Variants in HOMER2 observed in about 807,000 individuals in gnomAD.
HOMER2 encodes homer protein homolog 2.
HOMER2 carries 27 observed loss-of-function variants against 47.0 expected under a neutral mutation model. The observed-to-expected ratio is 0.57, with a 90% confidence interval of 0.42 to 0.79. HOMER2 has a LOEUF of 0.79. HOMER2 is among the 30% of genes least tolerant of loss of function. The pLI is 0.00. For synonymous variants in HOMER2, 161 were observed against 163.8 expected, an observed-to-expected ratio of 0.98 and a Z score of 0.13; for missense variants, 443 against 435.0, an observed-to-expected ratio of 1.02 and a Z score of -0.16.
At chr15:82,983,755 A>G (rs2030478117) in intron 1 of HOMER2, among the ~76,000 whole-genome samples, 1 of 151,642 alleles carries the variant, frequency 6.6e-6, no homozygotes, top group Non-Finnish European at 1.5e-5. Flanking sequence ...ACGCCCGGCT[A>G]ATTTTTTTGA....
chr15:82,850,855 C>G (rs951704132), intron 8 of HOMER2, among the ~76,000 whole-genome samples: 1 of 152,156 alleles, frequency 6.6e-6, no homozygotes, highest in African/African-American at 2.4e-5. Context: ...CTCAGGCCGC[C>G]CCCCCGCTCC....
At chr15:82,940,295 A>T (rs950435031) in intron 1 of HOMER2, among the ~76,000 whole-genome samples, 1 of 152,134 alleles carries the variant, frequency 6.6e-6, no homozygotes. Flanking sequence ...CTGCATAGTG[A>T]CTCCAACCTA....
rs1484978166 is a variant in HOMER2 at position 82,875,491 on chromosome 15, G to C, written c.163-87C>G. 2.1e-6 allele frequency: 3 copies of C among 1,406,882 alleles called. No homozygotes were observed. In the African/African-American group the frequency reaches 4.2e-5, roughly 20 times the overall value. The allele number at this position is 1,406,882 out of a possible 1,614,324, so 87.1% of individuals were successfully genotyped here. A position where few individuals can be genotyped will look rare whatever the true frequency, so the allele number is the denominator to read the frequency against. On this transcript the variant is annotated intron_variant, in intron 2 of 8. Transcript: ENST00000450735. The stretch of plus-strand genomic sequence containing the variant: ...AGAAAGTCTTCTATTGGCAAAGCCA[G>C]TGCTTCAAGCCTGTATCCTCTGCCC...
chr15:82,952,711 C>G lies in HOMER2; in HGVS notation c.-176G>C. ...CCACTGCTGCCACTGCCGCCACCGC[C>G]GCCAGGCGCGGGCGGGCGGGGGCTG... On this transcript the variant is annotated 5_prime_UTR_variant, in exon 1 of 9. Transcript: ENST00000450735. 1.0e-6 allele frequency: 1 copy of G among 982,864 alleles called. No homozygotes were observed. The highest frequency in any genetic ancestry group is 1.2e-6 in the Non-Finnish European group (1 of 829,486). The allele number at this position is 982,864 out of a possible 1,614,324, so 60.9% of individuals were successfully genotyped here.
chr15:82,925,529 T>G (rs2053833586), intron 1 of HOMER2, among the ~76,000 whole-genome samples: 1 of 152,204 alleles, frequency 6.6e-6, no homozygotes, highest in African/African-American at 2.4e-5. Context: ...TTGCACTACC[T>G]TGGGAAATCC....
chr15:82,847,932 C>T (rs948211333), downstream of HOMER2, among the ~76,000 whole-genome samples: 6 of 152,182 alleles, frequency 3.9e-5, no homozygotes, highest in Admixed American at 3.9e-4. Flanking sequence ...GTCTGGAGCT[C>T]TGGGGAAAGG....
chr15:82,839,528 T>C (rs2051155655), exon 2 of HOMER2: 1 of 152,246 alleles, frequency 6.6e-6, no homozygotes, highest in South Asian at 2.1e-4. Context: ...AATATTTTAC[T>C]GAACTATGTA....
intron 4 of HOMER2, among the ~76,000 whole-genome samples, chr15:82,861,307 A>G (rs917113739): frequency 1.3e-5 from 2 of 152,252 alleles, no homozygotes; most frequent in African/African-American, 4.8e-5. Context: ...TTAGAAATGC[A>G]GATGTCACAA....
At chr15:82,867,956 C>T (rs1167756965) in intron 3 of HOMER2, among the ~76,000 whole-genome samples, 1 of 152,176 alleles carries the variant, frequency 6.6e-6, no homozygotes, top group Admixed American at 6.5e-5. Flanking sequence ...AACTGCCAGT[C>T]ATGAGAGCCG....
intron 1 of HOMER2, among the ~76,000 whole-genome samples, chr15:82,924,420 C>T (rs2053808338): frequency 1.3e-5 from 2 of 149,982 alleles, no homozygotes; most frequent in Admixed American, 6.7e-5. Context: ...TCCCATGCAC[C>T]AGGGACATGT....
At chr15:82,936,596 A>G (rs1400501385) in intron 1 of HOMER2, among the ~76,000 whole-genome samples, 1 of 152,164 alleles carries the variant, frequency 6.6e-6, no homozygotes, top group Non-Finnish European at 1.5e-5. Flanking sequence ...TTTTTGAGAC[A>G]GACTCTTGCT....
chr15:82,865,948 T>C (rs997251026), intron 3 of HOMER2, among the ~76,000 whole-genome samples: 1 of 152,210 alleles, frequency 6.6e-6, no homozygotes, highest in Non-Finnish European at 1.5e-5. Context: ...GCTAGGGCAG[T>C]GCAGAAGGGA....
chr15:82,853,698 G>C (rs2051473389), intron 6 of HOMER2, among the ~76,000 whole-genome samples: 2 of 152,118 alleles, frequency 1.3e-5, no homozygotes, highest in Non-Finnish European at 2.9e-5. Flanking sequence ...TCAATGGGGG[G>C]TCTCTGGCCA....
intron 1 of HOMER2, among the ~76,000 whole-genome samples, chr15:82,921,927 C>T (rs1486368918): frequency 6.6e-6 from 1 of 152,202 alleles, no homozygotes; most frequent in Non-Finnish European, 1.5e-5. Flanking sequence ...TTTTCATAAT[C>T]TCCTTATTAT....
At chr15:82,853,621 G>A (rs2051471369) in intron 6 of HOMER2, among the ~76,000 whole-genome samples, 1 of 152,166 alleles carries the variant, frequency 6.6e-6, no homozygotes, top group Non-Finnish European at 1.5e-5. Flanking sequence ...ATACTCCAAA[G>A]CCTATGTGTT....
intron 3 of HOMER2, among the ~76,000 whole-genome samples, chr15:82,870,136 A>G (rs2052128862): frequency 3.3e-5 from 5 of 152,232 alleles, no homozygotes; most frequent in Admixed American, 3.3e-4. Flanking sequence ...TTAGCCATTG[A>G]AGACCTGAAG....
intron 1 of HOMER2, among the ~76,000 whole-genome samples, chr15:82,960,660 G>T (rs1357847537): frequency 6.6e-6 from 1 of 152,196 alleles, no homozygotes; most frequent in Non-Finnish European, 1.5e-5. Context: ...TTCAAATGTA[G>T]CAAATATTTA....
At chr15:82,907,521 A>G (rs1179608004) in intron 1 of HOMER2, among the ~76,000 whole-genome samples, 1 of 151,862 alleles carries the variant, frequency 6.6e-6, no homozygotes, top group African/African-American at 2.4e-5. Context: ...GAAGGAAGGA[A>G]AGAGAGAGAC....
At chr15:82,868,329 G>A (rs1437961332) in intron 3 of HOMER2, among the ~76,000 whole-genome samples, 1 of 150,666 alleles carries the variant, frequency 6.6e-6, no homozygotes, top group Non-Finnish European at 1.5e-5. Context: ...AAGCTCTTTA[G>A]GTTAATTAGA....
Sources: gnomAD v4.1 joint callset for allele counts (sites outside exome capture counted in the v4.1 genomes callset) on GRCh38, gnomAD v4.1.1 for gene constraint, MANE v1.5 for transcripts, NCBI Gene and HGNC (gene_info 2026-07-23, HGNC 2026-07-21) for gene names.